KIAA1217: variants seen among roughly 807,000 people sequenced by gnomAD.
KIAA1217 encodes the protein sickle tail protein homolog.
KIAA1217 carries 88 observed loss-of-function variants against 163.9 expected under a neutral mutation model. That is an observed-to-expected ratio of 0.54 (90% confidence interval 0.45 to 0.64). KIAA1217 has a LOEUF of 0.64. Ranked by LOEUF, KIAA1217 falls within the 30% of genes least tolerant of loss-of-function variation. The pLI is 0.00. For synonymous variants in KIAA1217, 903 were observed against 923.1 expected (o/e 0.98, Z 0.39); for missense variants, 2,372 against 2,475.0 (o/e 0.96, Z 0.88).
intron 1 of KIAA1217, among the ~76,000 whole-genome samples, chr10:23,718,630 A>G (rs2130755882): frequency 6.6e-6 from 1 of 151,804 alleles, no homozygotes; most frequent in Middle Eastern, 3.4e-3. Context: ...AAAGCAAGGA[A>G]AAACTAAAAA....
upstream of KIAA1217, chr10:24,209,124 T>C: frequency 6.8e-7 from 1 of 1,462,814 alleles, no homozygotes; most frequent in Non-Finnish European, 9.6e-7. Flanking sequence ...CCCAGGCGCT[T>C]TCTGGGAGCT....
intron 5 of KIAA1217, among the ~76,000 whole-genome samples, chr10:24,472,867 A>G (rs2063675525): frequency 6.6e-6 from 1 of 152,028 alleles, no homozygotes; most frequent in East Asian, 1.9e-4. Context: ...CACCTTTTCC[A>G]GCTTCTAGCA....
rs769510307 is a variant in KIAA1217 at position 24,545,821 on chromosome 10, T to C, written c.5335-6T>C. The C allele has an allele frequency of 6.4e-7, 1 of 1,573,404 alleles. No individual in the cohort carries two copies. The highest frequency in any genetic ancestry group is 1.8e-5 in the Admixed American group (1 of 54,468). ...ACAAAATGTCTCCCGCCATCTTTATTTGCAGGCTAATGGAAGTGCTAAGAA... is the reference window on the plus strand; with the variant it reads ...ACAAAATGTCTCCCGCCATCTTTATCTGCAGGCTAATGGAAGTGCTAAGAA... On this transcript the variant is annotated splice_region_variant and splice_polypyrimidine_tract_variant and intron_variant, in intron 20 of 20. Coordinates refer to ENST00000376454, the MANE Select transcript of KIAA1217 (RefSeq NM_019590.5).
intron 1 of KIAA1217, among the ~76,000 whole-genome samples, chr10:23,878,479 G>A (rs569878536): frequency 9.2e-5 from 14 of 151,952 alleles, no homozygotes; most frequent in Non-Finnish European, 1.6e-4. Context: ...GCTCACATTC[G>A]AGGTTCTATT....
rs766737889 is a variant in KIAA1217 at position 24,544,146 on chromosome 10, G to C, written c.4876G>C (p.Ala1626Pro). 1.9e-6 allele frequency: 3 copies of C among 1,613,906 alleles called. No individual in the cohort carries two copies. The highest frequency in any genetic ancestry group is 1.7e-6 in the Non-Finnish European group (2 of 1,180,036). The change falls in exon 19 of 21, where the codon GCT (alanine) becomes CCT (proline). Residue 1626 changes from alanine to proline, a missense_variant. Ala to Pro is a conservative substitution (Grantham distance 27). This residue lies in a region of KIAA1217 where 690 missense variants were observed against 677.5 expected (regional missense o/e 1.02). Transcript: ENST00000376454. ...CAAAGAAGCCAAGCGCTTCGAAATCGCTAGGTCTCAACCTGAAGACACCCC... is the reference window on the plus strand; with the variant it reads ...CAAAGAAGCCAAGCGCTTCGAAATCCCTAGGTCTCAACCTGAAGACACCCC... ...QHKEAKRFEI[A>P]RSQPEDTPEN...
At chr10:24,367,131 A>G (rs1215009007) in intron 2 of KIAA1217, 1 of 985,498 alleles carries the variant, frequency 1.0e-6, no homozygotes, top group African/African-American at 1.7e-5. Flanking sequence ...TTTGAAGGGC[A>G]TGCTGATCTC....
At chr10:24,104,437 G>A (rs1476522395) in intron 2 of KIAA1217, among the ~76,000 whole-genome samples, 1 of 152,054 alleles carries the variant, frequency 6.6e-6, no homozygotes, top group Non-Finnish European at 1.5e-5. Flanking sequence ...ATATGACATA[G>A]GTCTCTATAC....
intron 1 of KIAA1217, among the ~76,000 whole-genome samples, chr10:23,789,446 C>T (rs1835640717): frequency 6.6e-6 from 1 of 152,128 alleles, no homozygotes; most frequent in Non-Finnish European, 1.5e-5. Flanking sequence ...TTAGTGCAGC[C>T]TTATACCACC....
At chr10:23,883,190 G>C (rs1005541955) in intron 1 of KIAA1217, among the ~76,000 whole-genome samples, 6 of 151,898 alleles carry the variant, frequency 4.0e-5, no homozygotes, top group African/African-American at 1.4e-4. Flanking sequence ...GAGTGAAATT[G>C]TGATAATACA....
chr10:24,401,863 T>G (rs151129552), intron 3 of KIAA1217, among the ~76,000 whole-genome samples: 38 of 152,274 alleles, frequency 2.5e-4, no homozygotes, highest in African/African-American at 8.9e-4. Context: ...ATGAGTGAGT[T>G]CAAGATCAAC....
chr10:23,764,319 G>C (rs896307175), intron 1 of KIAA1217, among the ~76,000 whole-genome samples: 2 of 152,168 alleles, frequency 1.3e-5, no homozygotes, highest in African/African-American at 4.8e-5. Flanking sequence ...TGTTGGCGAG[G>C]CTCTGGAGAA....
At chr10:24,084,303 C>T (rs1226824879) in intron 2 of KIAA1217, among the ~76,000 whole-genome samples, 4 of 152,158 alleles carry the variant, frequency 2.6e-5, no homozygotes, top group Non-Finnish European at 5.9e-5. Context: ...AATGTAAGCC[C>T]CACGTGGGCA....
chr10:24,340,812 G>A (rs1468572262), intron 2 of KIAA1217, among the ~76,000 whole-genome samples: 1 of 152,204 alleles, frequency 6.6e-6, no homozygotes, highest in Non-Finnish European at 1.5e-5. Flanking sequence ...TTTCTTCTGA[G>A]ATGTCAACCT....
At chr10:23,714,989 T>A (rs929319054) in intron 1 of KIAA1217, among the ~76,000 whole-genome samples, 2 of 152,202 alleles carry the variant, frequency 1.3e-5, no homozygotes, top group African/African-American at 2.4e-5. Context: ...GCTATGTGCA[T>A]CATAGCCTAT....
chr10:24,229,369 A>G (rs1356337515), intron 2 of KIAA1217, among the ~76,000 whole-genome samples: 1 of 152,218 alleles, frequency 6.6e-6, no homozygotes, highest in Non-Finnish European at 1.5e-5. Context: ...CTCAGCTAAG[A>G]ATTTCCTCTT....
intron 2 of KIAA1217, among the ~76,000 whole-genome samples, chr10:24,190,148 C>T (rs908317058): frequency 1.3e-5 from 2 of 152,006 alleles, no homozygotes; most frequent in East Asian, 1.9e-4. Context: ...TTGCGGCAGG[C>T]GTTTCCCCTT....
chr10:24,498,283 G>A (rs577274433), intron 8 of KIAA1217, among the ~76,000 whole-genome samples: 4 of 152,210 alleles, frequency 2.6e-5, no homozygotes, highest in South Asian at 2.1e-4. Context: ...TGACCAAGAC[G>A]GAGCAGCAGA....
chr10:24,433,287 T>A, intron 4 of KIAA1217, 94 bp downstream of exon 4: 1 of 859,466 alleles, frequency 1.2e-6, no homozygotes, highest in Non-Finnish European at 1.8e-6. Context: ...TTTTACCCAC[T>A]ATATTGCATT....
At chr10:24,352,138 T>C (rs1001660984) in intron 2 of KIAA1217, among the ~76,000 whole-genome samples, 10 of 152,326 alleles carry the variant, frequency 6.6e-5, no homozygotes, top group Non-Finnish European at 8.8e-5. Flanking sequence ...CTCTGCCACA[T>C]TGCAGTCTCT....
Sources: allele counts gnomAD v4.1 joint callset (sites outside exome capture counted in the v4.1 genomes callset), GRCh38; gene constraint gnomAD v4.1.1; regional missense constraint gnomAD v4.1.1; transcripts MANE v1.5; gene names NCBI Gene and HGNC (gene_info 2026-07-23, HGNC 2026-07-21).